PODNL1: variants seen among roughly 807,000 people sequenced by gnomAD.
The protein encoded by PODNL1 is podocan-like protein 1.
Under a neutral mutation model 45.1 loss-of-function variants are expected in PODNL1, and 50 were observed. That is an observed-to-expected ratio of 1.11 (90% CI 0.88 to 1.40). The LOEUF (loss-of-function observed/expected upper bound fraction) is 1.40, where lower values mean the gene tolerates loss of function less well. PODNL1 is among the 40% of genes most tolerant of loss of function. PODNL1 has a pLI of 0.00. For missense variants in PODNL1, 788 were observed against 793.3 expected (o/e 0.99, Z 0.08); for synonymous variants, 406 against 372.5 (o/e 1.09, Z -1.04).
intron 5 of PODNL1, among the ~76,000 whole-genome samples, 171 bp downstream of exon 5, chr19:13,935,550 C>A (rs1972284525): frequency 6.6e-6 from 1 of 152,160 alleles, no homozygotes; most frequent in South Asian, 2.1e-4. Context: ...TGGTCTCGAA[C>A]TCCTGACCCC....
At chr19:13,952,212 G>T (rs1043665749) in intron 1 of PODNL1, among the ~76,000 whole-genome samples, 1 of 152,262 alleles carries the variant, frequency 6.6e-6, no homozygotes, top group Admixed American at 6.5e-5. Flanking sequence ...CACAGGGGGC[G>T]TGACGCCGTT....
In PODNL1 at chr19:13,936,061, G is replaced by C. The variant is rs544250017; in HGVS notation, c.320-17C>G. 6.5e-7 allele frequency: 1 copy of C among 1,546,362 alleles called. No homozygotes were observed. The highest frequency in any genetic ancestry group is 1.4e-5 in the African/African-American group (1 of 72,990). On this transcript the variant is annotated splice_polypyrimidine_tract_variant and intron_variant, in intron 3 of 9. Transcript: ENST00000588872. ...CAGGCAGGCCTGGGAGAGTAGGGGG[G>C]CAGTGAAGGGACCCCAGGCCTGTCT...
chr19:13,945,346 T>TAAAA (rs35507378), intron 1 of PODNL1, among the ~76,000 whole-genome samples: 1 of 141,018 alleles, frequency 7.1e-6, no homozygotes, highest in Non-Finnish European at 1.6e-5. Flanking sequence ...CCCTCATCTC[T>TAAAA]AAAAAAAAAA....
upstream of PODNL1, chr19:13,939,963 C>A (rs1175164928): frequency 3.3e-5 from 5 of 152,026 alleles, no homozygotes; most frequent in African/African-American, 1.2e-4. Flanking sequence ...AACACTTGAG[C>A]CTCTGGGCTC....
At chr19:13,953,060 GCCTGATGTTCCTCT>G in intron 1 of PODNL1, 1 of 1,543,924 alleles carries the variant, frequency 6.5e-7, no homozygotes, top group African/African-American at 1.4e-5. Context: ...GGCTTCCTCC[GCCTGATGTTCCTCT>G]CCCTGCCCAA....
chr19:13,945,071 C>T (rs535853218), intron 1 of PODNL1, among the ~76,000 whole-genome samples: 101 of 152,242 alleles, frequency 6.6e-4, no homozygotes, highest in African/African-American at 2.3e-3. Flanking sequence ...CCACCACACT[C>T]GGCCTGTTTT....
At chr19:13,939,401 AG>A (rs1394116975), upstream of PODNL1, among the ~76,000 whole-genome samples, 4 of 151,874 alleles carry the variant, frequency 2.6e-5, no homozygotes, top group African/African-American at 9.7e-5. Flanking sequence ...TAGTACAGAC[AG>A]GGTTTCGCCA....
At chr19:13,942,948 C>T (rs1162131592), upstream of PODNL1, among the ~76,000 whole-genome samples, 1 of 151,710 alleles carries the variant, frequency 6.6e-6, no homozygotes, top group African/African-American at 2.4e-5. Context: ...TTGCAGTGAG[C>T]CGCGATCACA....
intron 1 of PODNL1, among the ~76,000 whole-genome samples, chr19:13,950,192 A>T (rs1356058997): frequency 7.3e-6 from 1 of 136,902 alleles, no homozygotes. Flanking sequence ...ATTTGAGACA[A>T]GGTCTCGCTC....
At chr19:13,951,140 A>G (rs1421521670) in intron 1 of PODNL1, among the ~76,000 whole-genome samples, 1 of 151,580 alleles carries the variant, frequency 6.6e-6, no homozygotes, top group Non-Finnish European at 1.5e-5. Context: ...TTTCTAGTAC[A>G]TAACTCCTAA....
chr19:13,938,235 G>A lies in PODNL1; in HGVS notation c.-54C>T. ...AAGCTGCTGACCAGGACTTCCTAATGGAAACCAGGCGGTCACCTCCTGGAG... is the reference window on the plus strand; with the variant it reads ...AAGCTGCTGACCAGGACTTCCTAATAGAAACCAGGCGGTCACCTCCTGGAG... On this transcript the variant is annotated 5_prime_UTR_variant, in exon 1 of 10. Coordinates refer to ENST00000588872, the MANE Select transcript of PODNL1 (RefSeq NM_001370095.3). The A allele has an allele frequency of 6.3e-7, 1 of 1,597,058 alleles. No individual in the cohort carries two copies. Among genetic ancestry groups the A allele is most frequent in the South Asian group, 1.1e-5 (1 of 88,078 alleles).
Position 13,952,123 on chromosome 19 carries a change from G to A in PODNL1, c.18+996C>T, listed in dbSNP as rs1973062218. ...GGGCAGCCCGGGGCTGAGGATTCTC[G>A]AGCCTTGGTGGACCACAGGCTCCCG... On this transcript the variant is annotated intron_variant, in intron 1 of 7. Transcript: ENST00000538371. 2.0e-5 allele frequency among the ~76,000 whole-genome samples: 3 copies of A among 152,226 alleles called. 1 individual carries two copies. Among genetic ancestry groups the A allele is most frequent in the Non-Finnish European group, 2.9e-5 (2 of 68,042 alleles).
At position 13,938,208 on chromosome 19, in the gene PODNL1, C is replaced by T. The variant is rs762733580; in HGVS notation, c.-27G>A. The T allele has an allele frequency of 1.3e-5, 21 of 1,607,650 alleles. No homozygotes were observed. In the South Asian group the frequency reaches 2.2e-4, roughly 17 times the overall value. On this transcript the variant is annotated 5_prime_UTR_variant, in exon 1 of 10. Coordinates refer to ENST00000588872, the MANE Select transcript of PODNL1 (RefSeq NM_001370095.3). The stretch of plus-strand genomic sequence containing the variant: ...GCCAGCCCTGACTCTGCCATCTCGC[C>T]CAAGCTGCTGACCAGGACTTCCTAA...
chr19:13,935,776 C>A lies in PODNL1; in HGVS notation c.439G>T (p.Ala147Ser). 6.3e-7 allele frequency: 1 copy of A among 1,597,760 alleles called. No homozygotes were observed. Among genetic ancestry groups the A allele is most frequent in the Non-Finnish European group, 8.5e-7 (1 of 1,175,144 alleles). The stretch of plus-strand genomic sequence containing the variant: ...GGGAAGATCTCCATCACTTGGTTGG[C>A]AGCCAGATCCGCGACACGGAGGGAC... ...PRSLRVADLA[A>S]NQVMEIFPLT... The change falls in exon 5 of 10, where the codon GCC becomes TCC. Residue 147 changes from alanine to serine, a missense_variant. Physicochemically the swap from Ala to Ser is moderately conservative, Grantham distance 99 (BLOSUM62 1). Transcript: ENST00000588872.
At chr19:13,945,212 A>C (rs1465242611) in intron 1 of PODNL1, among the ~76,000 whole-genome samples, 1 of 152,112 alleles carries the variant, frequency 6.6e-6, no homozygotes, top group Non-Finnish European at 1.5e-5. Flanking sequence ...CTGTTGAATT[A>C]AATAGCAAAA....
chr19:13,931,644 C>A lies in PODNL1; in HGVS notation c.*93G>T, dbSNP rs1422156257. 8.3e-7 allele frequency: 1 copy of A among 1,206,084 alleles called. No homozygotes were observed. Among genetic ancestry groups the A allele is most frequent in the Non-Finnish European group, 1.0e-6 (1 of 965,358 alleles). The allele number at this position is 1,206,084 out of a possible 1,614,324, so 74.7% of individuals were successfully genotyped here. A position where few individuals can be genotyped will look rare whatever the true frequency, so the allele number is the denominator to read the frequency against. On this transcript the variant is annotated 3_prime_UTR_variant, in exon 10 of 10. Coordinates refer to ENST00000588872, the MANE Select transcript of PODNL1 (RefSeq NM_001370095.3). ...GCCCAGCCCTGGAGGCCCAGGAGAG[C>A]CAGACCAAGGGCCCCTGGTGGGCGT...
chr19:13,934,540 T>A, intron 5 of PODNL1, 130 bp from the exon 6 acceptor site: 1 of 897,320 alleles, frequency 1.1e-6, no homozygotes, highest in Non-Finnish European at 1.6e-6. Flanking sequence ...CGCGCATGTG[T>A]GGAGTCTGTG....
rs774196210 is a variant in PODNL1 at position 13,933,969 on chromosome 19, G to C, written c.676C>G (p.Arg226Gly). Residue 226 changes from arginine to glycine, a missense_variant, in exon 7 of 10, where the codon CGA (arginine) becomes GGA (glycine). Coordinates refer to ENST00000588872, the MANE Select transcript of PODNL1 (RefSeq NM_001370095.3). This position sits in a 1 kb window ranked among gnomAD's most constrained non-coding sequence, Gnocchi z 5.2. ...LQNNLISKVP[R>G]GALSRQTQLR... The stretch of plus-strand genomic sequence containing the variant: ...TGAGTCTGGCGGCTCAGGGCTCCTC[G>C]GGGCACCTTGGAGATGAGATTGTTC... The C allele has an allele frequency of 5.0e-6, 8 of 1,609,514 alleles. No homozygotes were observed. In the South Asian group the frequency reaches 5.6e-5, roughly 11 times the overall value.
In PODNL1 at chr19:13,937,774, G is replaced by A. The variant is rs55873182; in HGVS notation, c.225+11C>T. 7.0e-6 allele frequency: 11 copies of A among 1,567,326 alleles called. No individual in the cohort carries two copies. Among genetic ancestry groups the A allele is most frequent in the African/African-American group, 2.7e-5 (2 of 74,110 alleles). On this transcript the variant is annotated intron_variant, in intron 2 of 9. Transcript: ENST00000588872. ...GCCCTGCATGCCCCCACTCCCCTCC[G>A]TGGGCCCCACCTGCAGGGAGAGGTG...
Sources: gnomAD v4.1 joint callset for allele counts (sites outside exome capture counted in the v4.1 genomes callset) on GRCh38, gnomAD v4.1.1 for gene constraint, Gnocchi (gnomAD v3.1) non-coding constraint, MANE v1.5 for transcripts, NCBI Gene and HGNC (gene_info 2026-07-23, HGNC 2026-07-21) for gene names.